KCNMA1: variants seen among roughly 807,000 people sequenced by gnomAD.
KCNMA1 encodes the protein potassium calcium-activated channel subfamily M alpha 1, also known as Calcium-activated potassium channel subunit alpha-1.
Under a neutral mutation model 140.0 loss-of-function variants are expected in KCNMA1, and 29 were observed. The ratio of observed to expected loss-of-function variants is 0.21; its 90% CI spans 0.15 to 0.28. The LOEUF (loss-of-function observed/expected upper bound fraction) is 0.28, where lower values mean the gene tolerates loss of function less well. KCNMA1 is among the 10% of genes least tolerant of loss of function. The pLI, the probability that KCNMA1 is intolerant of heterozygous loss-of-function variation, is 1.00. For missense variants in KCNMA1, 880 were observed against 1,602.2 expected, an observed-to-expected ratio of 0.55 and a Z score of 7.70; for synonymous variants, 612 against 611.9, an observed-to-expected ratio of 1.00 and a Z score of 0.00.
chr10:77,427,064 G>C (rs1444250544), intron 1 of KCNMA1, among the ~76,000 whole-genome samples: 1 of 152,128 alleles, frequency 6.6e-6, no homozygotes, highest in African/African-American at 2.4e-5. Flanking sequence ...TCCTCTTAGG[G>C]GAGTTCAGCT....
chr10:77,538,113 C>T (rs1240952968), intron 1 of KCNMA1, among the ~76,000 whole-genome samples: 1 of 151,804 alleles, frequency 6.6e-6, no homozygotes, highest in Non-Finnish European at 1.5e-5. Context: ...TCTACACACA[C>T]TCACACACAC....
chr10:77,161,554 T>C (rs565915809), intron 5 of KCNMA1, among the ~76,000 whole-genome samples: 10 of 152,268 alleles, frequency 6.6e-5, no homozygotes, highest in African/African-American at 1.9e-4. Flanking sequence ...GGAGTTTTAA[T>C]AGTAGTTACT....
At chr10:77,277,629 C>T (rs2067039013) in intron 2 of KCNMA1, among the ~76,000 whole-genome samples, 1 of 152,184 alleles carries the variant, frequency 6.6e-6, no homozygotes, top group Non-Finnish European at 1.5e-5. Context: ...ATTCTCTGAA[C>T]TTCTGGAATC....
intron 23 of KCNMA1, among the ~76,000 whole-genome samples, chr10:76,934,415 G>T (rs1451750249): frequency 6.6e-6 from 1 of 152,214 alleles, no homozygotes; most frequent in African/African-American, 2.4e-5. Flanking sequence ...TGAATAGCTG[G>T]CTAGATTTAT....
intron 5 of KCNMA1, among the ~76,000 whole-genome samples, chr10:77,180,459 G>C (rs779920879): frequency 4.6e-5 from 7 of 152,110 alleles, no homozygotes; most frequent in Non-Finnish European, 1.0e-4. Context: ...AGAACCTAAA[G>C]CATTTCATTA....
chr10:77,251,353 C>T, intron 2 of KCNMA1, 97 bp from the exon 3 acceptor site: 3 of 903,714 alleles, frequency 3.3e-6, no homozygotes, highest in Non-Finnish European at 5.4e-6. Flanking sequence ...ATACGGTGCC[C>T]ATTGCCCTTG....
At chr10:77,637,137 GC>G in intron 1 of KCNMA1, 127 bp downstream of exon 1, 1 of 1,249,338 alleles carries the variant, frequency 8.0e-7, no homozygotes, top group Non-Finnish European at 1.1e-6. Context: ...GGAAGGGAAG[GC>G]GGCGAGGGGA....
chr10:77,311,241 C>T (rs1308489750), intron 2 of KCNMA1, among the ~76,000 whole-genome samples: 2 of 152,226 alleles, frequency 1.3e-5, no homozygotes, highest in Non-Finnish European at 2.9e-5. Flanking sequence ...GCTGCTCCTC[C>T]AGCTTTCTCC....
chr10:77,597,504 C>T (rs1019753925), intron 1 of KCNMA1, among the ~76,000 whole-genome samples: 1 of 152,070 alleles, frequency 6.6e-6, no homozygotes, highest in Admixed American at 6.5e-5. Context: ...TATTATGTAT[C>T]AATAAATAAT....
exon 28 of KCNMA1, chr10:76,870,851 G>A (rs79860187): frequency 0.012 from 1,884 of 152,378 alleles, 13 homozygotes; most frequent in Non-Finnish European, 0.018. Context: ...AATAAGCAGA[G>A]TTCCTGCCCT....
chr10:77,460,995 C>G (rs1241987259), intron 1 of KCNMA1, among the ~76,000 whole-genome samples: 1 of 152,016 alleles, frequency 6.6e-6, no homozygotes, highest in African/African-American at 2.4e-5. Flanking sequence ...AATCCCAGCT[C>G]CTTGGGAGGC....
rs757149091 is a variant in KCNMA1, at chr10:77,027,834, G to A, written c.1917C>T (p.Asn639=). The A allele has an allele frequency of 1.2e-5, 19 of 1,613,812 alleles. No individual in the cohort carries two copies. In the African/African-American group the frequency reaches 1.2e-4, roughly 10 times the overall value. Residue 639 remains asparagine, a synonymous_variant, in exon 16 of 28, where the codon AAC becomes AAT. Transcript: ENST00000286628. ...LMIAIEYKSA[N]RESRILINPG... is the part of the protein sequence containing the mutation. ...CACCGCAAACTTACCGGCTCTCTCG[G>A]TTGGCAGACTTGTACTCAATGGCTA...
chr10:77,620,151 G>C, intron 1 of KCNMA1, among the ~76,000 whole-genome samples: 1 of 152,174 alleles, frequency 6.6e-6, no homozygotes. Context: ...AGGGGCTGTC[G>C]ACTGCAGAAC....
At chr10:77,600,688 G>A (rs970183782) in intron 1 of KCNMA1, among the ~76,000 whole-genome samples, 4 of 152,014 alleles carry the variant, frequency 2.6e-5, no homozygotes, top group Non-Finnish European at 4.4e-5. Flanking sequence ...GAGAGGTTGC[G>A]GTGAGCTGAG....
rs373087505 is a variant in KCNMA1 at position 76,930,757 on chromosome 10, G to A, written c.2902+14016C>T. ...ACAGATGAGTAGATAAAGAAAATAT[G>A]GTCTGTGTTGTGTATGTACCTGCAC... On this transcript the variant is annotated intron_variant, in intron 23 of 27. Coordinates refer to ENST00000286628, the MANE Select transcript of KCNMA1 (RefSeq NM_001161352.2). Among the ~76,000 whole-genome samples the A allele has an allele frequency of 3.9e-5, 6 of 151,918 alleles. No homozygotes were observed. The East Asian group carries it at 7.8e-4, about 20-fold the overall frequency.
At chr10:77,173,316 G>T (rs1340668887) in intron 5 of KCNMA1, among the ~76,000 whole-genome samples, 1 of 152,118 alleles carries the variant, frequency 6.6e-6, no homozygotes, top group African/African-American at 2.4e-5. Flanking sequence ...ATGGACTTTG[G>T]AGGTAGATTG....
At chr10:77,146,701 C>CAAA (rs5786266) in intron 5 of KCNMA1, among the ~76,000 whole-genome samples, 48 of 64,166 alleles carry the variant, frequency 7.5e-4, no homozygotes, top group East Asian at 4.9e-3. Context: ...GACTTCATCT[C>CAAA]AAAAAAAAAA....
At chr10:77,177,586 C>T (rs2098763818) in intron 5 of KCNMA1, among the ~76,000 whole-genome samples, 1 of 151,892 alleles carries the variant, frequency 6.6e-6, no homozygotes, top group African/African-American at 2.4e-5. Context: ...GGTCCTCCTG[C>T]CTCATCCTCC....
chr10:77,096,684 TCAGA>T (rs1406591542), intron 9 of KCNMA1, among the ~76,000 whole-genome samples: 1 of 152,190 alleles, frequency 6.6e-6, no homozygotes, highest in Non-Finnish European at 1.5e-5. Flanking sequence ...TCACAATAAA[TCAGA>T]CAGAGTAAAT....
Sources: gnomAD v4.1 joint callset for allele counts (sites outside exome capture counted in the v4.1 genomes callset) on GRCh38, gnomAD v4.1.1 for gene constraint, MANE v1.5 for transcripts, NCBI Gene and HGNC (gene_info 2026-07-23, HGNC 2026-07-21) for gene names.